Variants in PPM1E observed in about 807,000 individuals in gnomAD.
PPM1E encodes protein phosphatase, Mg2+/Mn2+ dependent 1E, also known as protein phosphatase 1E.
Under a neutral mutation model 65.9 loss-of-function variants are expected in PPM1E, and 20 were observed. That is an observed-to-expected ratio of 0.30 (90% CI 0.21 to 0.44). The LOEUF is 0.44. Among genes scored for constraint, PPM1E ranks in the 20% least tolerant of loss-of-function variants. The pLI is 1.00. For missense variants in PPM1E, 713 were observed against 953.1 expected, an observed-to-expected ratio of 0.75 and a Z score of 3.32; for synonymous variants, 352 against 374.9, an observed-to-expected ratio of 0.94 and a Z score of 0.70.
At chr17:58,923,284 C>CAAA (rs60557317) in intron 1 of PPM1E, among the ~76,000 whole-genome samples, 7 of 102,474 alleles carry the variant, frequency 6.8e-5, no homozygotes, top group Non-Finnish European at 9.7e-5. Flanking sequence ...GACCCTATCT[C>CAAA]AAAAAAAAAA....
chr17:58,935,403 G>A (rs935083220), intron 1 of PPM1E, among the ~76,000 whole-genome samples: 2 of 152,144 alleles, frequency 1.3e-5, no homozygotes, highest in African/African-American at 2.4e-5. Context: ...GTATATAGGA[G>A]AATGTGACGT....
intron 1 of PPM1E, among the ~76,000 whole-genome samples, chr17:58,773,177 A>G (rs1238762948): frequency 1.3e-5 from 2 of 152,160 alleles, no homozygotes; most frequent in African/African-American, 2.4e-5. Flanking sequence ...TAGAGGATAA[A>G]TGTACTAAAA....
At chr17:58,958,352 A>G (rs1333116770) in intron 2 of PPM1E, among the ~76,000 whole-genome samples, 3 of 151,890 alleles carry the variant, frequency 2.0e-5, no homozygotes, top group Non-Finnish European at 2.9e-5. Context: ...CTGGGACTAC[A>G]GGCATGCATC....
At chr17:58,938,146 CT>C (rs2052011401) in intron 1 of PPM1E, among the ~76,000 whole-genome samples, 1 of 152,082 alleles carries the variant, frequency 6.6e-6, no homozygotes, top group Non-Finnish European at 1.5e-5. Flanking sequence ...TTTAAGCTGC[CT>C]TTGTCCCATC....
At chr17:58,901,873 G>A (rs1319267492) in intron 1 of PPM1E, among the ~76,000 whole-genome samples, 3 of 151,988 alleles carry the variant, frequency 2.0e-5, no homozygotes, top group Non-Finnish European at 4.4e-5. Flanking sequence ...CTACTCGGGA[G>A]GCTGAGGCAT....
chr17:58,924,219 C>T (rs2051794041), intron 1 of PPM1E, among the ~76,000 whole-genome samples: 1 of 145,178 alleles, frequency 6.9e-6, no homozygotes, highest in Non-Finnish European at 1.5e-5. Context: ...TGTGCCTGGC[C>T]GAGACCCCAT....
chr17:58,889,327 G>A (rs1344951405), intron 1 of PPM1E, among the ~76,000 whole-genome samples: 2 of 152,168 alleles, frequency 1.3e-5, no homozygotes, highest in Non-Finnish European at 2.9e-5. Context: ...TAGGCCAGGT[G>A]CGGTGGCTCA....
intron 1 of PPM1E, among the ~76,000 whole-genome samples, chr17:58,892,223 G>A (rs571039181): frequency 6.6e-6 from 1 of 152,102 alleles, no homozygotes; most frequent in African/African-American, 2.4e-5. Flanking sequence ...AACTGCAGAG[G>A]AGAAAATTTA....
intron 1 of PPM1E, among the ~76,000 whole-genome samples, chr17:58,887,812 G>T (rs1472138042): frequency 2.6e-5 from 4 of 152,158 alleles, no homozygotes; most frequent in African/African-American, 4.8e-5. Context: ...TCTGGGTGCT[G>T]TGTGGAGACT....
chr17:58,878,495 T>C (rs1438669956), intron 1 of PPM1E, among the ~76,000 whole-genome samples: 1 of 151,694 alleles, frequency 6.6e-6, no homozygotes, highest in Non-Finnish European at 1.5e-5. Flanking sequence ...CCGCCCACCT[T>C]GGCCTCCCAA....
At chr17:58,919,346 T>C (rs779982295) in intron 1 of PPM1E, among the ~76,000 whole-genome samples, 2 of 152,208 alleles carry the variant, frequency 1.3e-5, no homozygotes, top group Admixed American at 6.5e-5. Context: ...ATAGTTAACA[T>C]TCAGCTTTCA....
chr17:58,817,645 A>G (rs2050438974), intron 1 of PPM1E, among the ~76,000 whole-genome samples: 3 of 152,190 alleles, frequency 2.0e-5, no homozygotes, highest in Admixed American at 2.0e-4. Context: ...TTCTCTATTA[A>G]CAGTTAACAC....
At chr17:58,963,723 T>TA (rs1282718383) in intron 2 of PPM1E, among the ~76,000 whole-genome samples, 1 of 150,308 alleles carries the variant, frequency 6.7e-6, no homozygotes, top group African/African-American at 2.4e-5. Context: ...AAATAAAAAA[T>TA]AAAAAATAAA....
At chr17:58,836,371 C>G (rs888554807) in intron 1 of PPM1E, among the ~76,000 whole-genome samples, 2 of 151,848 alleles carry the variant, frequency 1.3e-5, no homozygotes, top group Admixed American at 6.6e-5. Context: ...TGGCTCACAC[C>G]TGCACTTTGG....
chr17:58,889,813 C>T (rs556369080), intron 1 of PPM1E, among the ~76,000 whole-genome samples: 1 of 152,260 alleles, frequency 6.6e-6, no homozygotes, highest in African/African-American at 2.4e-5. Flanking sequence ...CAAAATACCT[C>T]ATAATACCAA....
intron 1 of PPM1E, among the ~76,000 whole-genome samples, chr17:58,806,465 G>T (rs1239242512): frequency 2.0e-5 from 3 of 151,946 alleles, no homozygotes; most frequent in Non-Finnish European, 4.4e-5. Context: ...CTTAATGTGT[G>T]AGAGTTTCCA....
chr17:58,825,224 T>TCACACACACACA (rs71367635), intron 1 of PPM1E, among the ~76,000 whole-genome samples: 20 of 140,040 alleles, frequency 1.4e-4, no homozygotes, highest in Admixed American at 3.6e-4. Flanking sequence ...ACACACACAC[T>TCACACACACACA]CACACACACA....
intron 1 of PPM1E, among the ~76,000 whole-genome samples, chr17:58,883,192 C>G (rs959219129): frequency 6.6e-6 from 1 of 151,848 alleles, no homozygotes; most frequent in African/African-American, 2.4e-5. Flanking sequence ...CTCCTGACCT[C>G]AGGTGATCCA....
rs566771511 is a variant in PPM1E, at chr17:58,948,588, C to T, written c.465-7061C>T. On this transcript the variant is annotated intron_variant, in intron 1 of 6. Coordinates refer to ENST00000308249, the MANE Select transcript of PPM1E (RefSeq NM_014906.5). ...AGGCAATGAAAAAGAAAATGTTTAA[C>T]GCTGGAGCCTTATGGTCACAGAAAG... Among the ~76,000 whole-genome samples, 7 of 152,258 alleles carry T rather than the reference C, an allele frequency of 4.6e-5. No homozygotes were observed. In the East Asian group the frequency reaches 9.6e-4, roughly 21 times the overall value.
Sources: gnomAD v4.1 joint callset for allele counts (sites outside exome capture counted in the v4.1 genomes callset) on GRCh38, gnomAD v4.1.1 for gene constraint, MANE v1.5 for transcripts, NCBI Gene and HGNC (gene_info 2026-07-23, HGNC 2026-07-21) for gene names.